Variants in WAPL observed in about 807,000 individuals in gnomAD.
WAPL encodes the protein wings apart-like protein homolog.
Under a neutral mutation model 121.0 loss-of-function variants are expected in WAPL, and 5 were observed. The ratio of observed to expected loss-of-function variants is 0.04; its 90% CI spans 0.02 to 0.09. WAPL has a LOEUF of 0.09. WAPL is among the 10% of genes least tolerant of loss of function. The pLI, the probability that WAPL is intolerant of heterozygous loss-of-function variation, is 1.00. For missense variants in WAPL, 999 were observed against 1,410.8 expected, an observed-to-expected ratio of 0.71 and a Z score of 4.68; for synonymous variants, 480 against 481.5, an observed-to-expected ratio of 1.00 and a Z score of 0.04.
chr10:86,486,926 A>T (rs1229527729), intron 4 of WAPL, among the ~76,000 whole-genome samples: 1 of 152,164 alleles, frequency 6.6e-6, no homozygotes, highest in Non-Finnish European at 1.5e-5. Context: ...ATTGCACTCC[A>T]GCCTGAGCAA....
At chr10:86,512,045 G>T (rs1163727076) in intron 2 of WAPL, among the ~76,000 whole-genome samples, 1 of 152,264 alleles carries the variant, frequency 6.6e-6, no homozygotes, top group African/African-American at 2.4e-5. Context: ...ATAAAGGCAG[G>T]TAACTCTTGC....
chr10:86,509,555 C>G (rs962698921), intron 2 of WAPL, among the ~76,000 whole-genome samples: 1 of 152,154 alleles, frequency 6.6e-6, no homozygotes. Context: ...ATTCTATCTT[C>G]CCCAGTACAA....
At position 86,436,381 on chromosome 10, in the gene WAPL, T is replaced by TA. The variant is rs1466121801; in HGVS notation, c.*1161dup. On this transcript the variant is annotated 3_prime_UTR_variant, in exon 19 of 19. Transcript: ENST00000298767. The stretch of plus-strand genomic sequence containing the variant: ...AAAGCCTGTATTCAGGCCCAATCAA[T>TA]AAAAAAGGAAAAAAAAAAGTATAAC... 1 of 143,242 alleles carries TA rather than the reference T, an allele frequency of 7.0e-6. No individual in the cohort carries two copies. The highest frequency in any genetic ancestry group is 2.6e-5 in the African/African-American group (1 of 37,806). The allele number at this position is 143,242 out of a possible 1,614,324, so 8.9% of individuals were successfully genotyped here. A position where few individuals can be genotyped will look rare whatever the true frequency, so the allele number is the denominator to read the frequency against.
intron 15 of WAPL, among the ~76,000 whole-genome samples, chr10:86,450,030 A>G (rs1840940288): frequency 1.3e-5 from 2 of 152,220 alleles, no homozygotes; most frequent in Non-Finnish European, 2.9e-5. Context: ...AATAAGGTCT[A>G]AAGTGCAGTT....
chr10:86,498,400 C>T (rs1020075201), intron 3 of WAPL, among the ~76,000 whole-genome samples: 23 of 151,788 alleles, frequency 1.5e-4, no homozygotes, highest in Non-Finnish European at 3.1e-4. Context: ...TTTCTTTTTT[C>T]TTTTTTTTCG....
intron 4 of WAPL, among the ~76,000 whole-genome samples, chr10:86,482,578 G>T (rs1207756238): frequency 1.3e-5 from 2 of 152,122 alleles, no homozygotes; most frequent in African/African-American, 4.8e-5. Context: ...AGCTGACCAG[G>T]TACAAGATGA....
chr10:86,508,482 C>T (rs956232080), intron 2 of WAPL, among the ~76,000 whole-genome samples: 1 of 152,060 alleles, frequency 6.6e-6, no homozygotes, highest in Non-Finnish European at 1.5e-5. Flanking sequence ...TCCTCCCCTT[C>T]GAACATCTTT....
At chr10:86,461,013 G>A (rs543715302) in intron 10 of WAPL, among the ~76,000 whole-genome samples, 163 bp downstream of exon 10, 7 of 152,134 alleles carry the variant, frequency 4.6e-5, no homozygotes, top group South Asian at 4.1e-4. Flanking sequence ...GTGCCCGGCC[G>A]GCCTCTTCTT....
rs763507711 is a variant in WAPL at position 86,453,751 on chromosome 10, A to G, written c.2738T>C (p.Leu913Pro). 5.0e-6 allele frequency: 8 copies of G among 1,614,098 alleles called. No homozygotes were observed. In the East Asian group the frequency reaches 1.6e-4, roughly 31 times the overall value. ...DSICLADSKP[L>P]PHQNVTNHVG... ...ATGGTTAGTTACATTCTGGTGAGGC[A>G]GAGGCTTACTGTCAGCTAAGCATAT... is the stretch of plus-strand genomic sequence containing the variant. Residue 913 changes from leucine (L) to proline (P), a missense_variant, in exon 13 of 19, where the codon CTG becomes CCG. Leu to Pro is a moderately conservative substitution (Grantham distance 98, BLOSUM62 -3). Around this residue, in one of 7 missense-constraint regions of WAPL, gnomAD observed 85 missense variants for 133.5 expected, o/e 0.64. Coordinates refer to ENST00000298767, the MANE Select transcript of WAPL (RefSeq NM_015045.5).
chr10:86,496,783 G>C (rs1181643456), intron 4 of WAPL, among the ~76,000 whole-genome samples: 3 of 152,118 alleles, frequency 2.0e-5, no homozygotes, highest in Non-Finnish European at 4.4e-5. Flanking sequence ...TCGTCCTTTT[G>C]TATCTGGTTT....
intron 12 of WAPL, among the ~76,000 whole-genome samples, chr10:86,454,461 T>C (rs1436449300): frequency 1.3e-5 from 2 of 152,198 alleles, no homozygotes; most frequent in African/African-American, 4.8e-5. Flanking sequence ...CCATCTCGGC[T>C]CACTGCAACC....
chr10:86,437,342 T>A lies in WAPL; in HGVS notation c.*201A>T. 1.9e-6 allele frequency: 1 copy of A among 531,306 alleles called. No individual in the cohort carries two copies. The highest frequency in any genetic ancestry group is 3.3e-6 in the Non-Finnish European group (1 of 304,318). The allele number at this position is 531,306 out of a possible 1,614,324, so 32.9% of individuals were successfully genotyped here. A position where few individuals can be genotyped will look rare whatever the true frequency, so the allele number is the denominator to read the frequency against. ...CTGAACCTTTTCCCCTCATTTTTGA[T>A]AGTTGCAGATTGATGTAGTAACTGT... On this transcript the variant is annotated 3_prime_UTR_variant, in exon 19 of 19. Transcript: ENST00000298767.
rs146176639 is a variant in WAPL, at chr10:86,518,189, T to C, written c.-22-98A>G. 1.0e-5 allele frequency: 12 copies of C among 1,195,480 alleles called. No individual in the cohort carries two copies. In the Admixed American group the frequency reaches 1.7e-4, roughly 17 times the overall value. The allele number at this position is 1,195,480 out of a possible 1,614,324, so 74.1% of individuals were successfully genotyped here. A position where few individuals can be genotyped will look rare whatever the true frequency, so the allele number is the denominator to read the frequency against. On this transcript the variant is annotated intron_variant, in intron 1 of 18. Coordinates refer to ENST00000298767, the MANE Select transcript of WAPL (RefSeq NM_015045.5). ...CCTAGGGATTCTTCCCTCATGACTTTTGACACTCACCACACAGACTTTTAA... is the reference window on the plus strand; with the variant it reads ...CCTAGGGATTCTTCCCTCATGACTTCTGACACTCACCACACAGACTTTTAA...
Position 86,461,473 on chromosome 10 carries a change from T to C in WAPL, c.2371-186A>G, listed in dbSNP as rs117886657. 8.3e-3 allele frequency among the ~76,000 whole-genome samples: 1,245 copies of C among 150,414 alleles called. 31 individuals are homozygous for C. Among genetic ancestry groups the C allele is most frequent in the East Asian group, 0.046 (239 of 5,196 alleles). On this transcript the variant is annotated intron_variant, in intron 9 of 18. Coordinates refer to ENST00000298767, the MANE Select transcript of WAPL (RefSeq NM_015045.5). ...ACAAAGTTTTTTAACCAGCTTTTCA[T>C]AGAGAAAATGTGCTATTAGTCTATC...
At chr10:86,461,311 T>C (rs1841267316) in intron 9 of WAPL, 24 bp from the exon 10 acceptor site, 2 of 1,561,866 alleles carry the variant, frequency 1.3e-6, no homozygotes, top group South Asian at 1.2e-5. Context: ...GCATCATTAA[T>C]GAATATCAAC....
At chr10:86,484,820 C>T (rs146974817) in intron 4 of WAPL, among the ~76,000 whole-genome samples, 24 of 152,314 alleles carry the variant, frequency 1.6e-4, no homozygotes, top group African/African-American at 5.5e-4. Flanking sequence ...AAGCAACAGG[C>T]TATACCATAT....
intron 4 of WAPL, chr10:86,488,400 T>G (rs987315809): frequency 6.6e-6 from 1 of 152,212 alleles, no homozygotes; most frequent in African/African-American, 2.4e-5. Flanking sequence ...ACTCCAGGAC[T>G]GGGAAAGTAT....
chr10:86,454,008 A>G (rs190186966), intron 12 of WAPL, among the ~76,000 whole-genome samples, 177 bp from the exon 13 acceptor site: 124 of 152,380 alleles, frequency 8.1e-4, no homozygotes, highest in African/African-American at 2.7e-3. Flanking sequence ...GCAGAAGTTT[A>G]TATCTGTACT....
At chr10:86,469,285 C>T (rs1317571632) in intron 8 of WAPL, among the ~76,000 whole-genome samples, 1 of 151,084 alleles carries the variant, frequency 6.6e-6, no homozygotes, top group Non-Finnish European at 1.5e-5. Context: ...CGGAGTCTCG[C>T]TCTGTCGCCC....
Sources: gnomAD v4.1 joint callset for allele counts (sites outside exome capture counted in the v4.1 genomes callset) on GRCh38, gnomAD v4.1.1 for gene constraint, gnomAD v4.1.1 regional missense constraint, MANE v1.5 for transcripts, NCBI Gene and HGNC (gene_info 2026-07-23, HGNC 2026-07-21) for gene names.